KHDRBS3: variants seen among roughly 807,000 people sequenced by gnomAD.
KHDRBS3 encodes KH RNA binding domain containing, signal transduction associated 3.
A neutral mutation model predicts 45.6 loss-of-function variants in KHDRBS3; 23 were observed. The observed-to-expected ratio is 0.50, with a 90% confidence interval of 0.36 to 0.72. The LOEUF (loss-of-function observed/expected upper bound fraction) is 0.72. KHDRBS3 is among the 30% of genes least tolerant of loss of function. The pLI is 0.00. For synonymous variants in KHDRBS3, 162 were observed against 156.5 expected (o/e 1.04, Z -0.26); for missense variants, 352 against 424.8 (o/e 0.83, Z 1.51).
intron 1 of KHDRBS3, among the ~76,000 whole-genome samples, chr8:135,470,575 C>CTTT (rs397962210): frequency 1.6e-4 from 23 of 141,896 alleles, no homozygotes; most frequent in Non-Finnish European, 2.2e-4. Flanking sequence ...GGTTTTGCTG[C>CTTT]TTTTTTTTTT....
At position 135,457,900 on chromosome 8, in the gene KHDRBS3, GAGA is replaced by G; in HGVS notation, c.37_39del (p.Lys13del). ...GAAGTACCTGCCCGAGCTGATGGCG[GAGA>G]AGGACTCCCTGGACCCCTCCTTCAC... On this transcript the variant is annotated inframe_deletion, in exon 1 of 9. Transcript: ENST00000355849. This position sits in a 1 kb window ranked among gnomAD's most constrained non-coding sequence, Gnocchi z 4.4. The G allele has an allele frequency of 6.2e-7, 1 of 1,601,394 alleles. No individual in the cohort carries two copies. Among genetic ancestry groups the G allele is most frequent in the Non-Finnish European group, 8.5e-7 (1 of 1,174,862 alleles).
chr8:135,640,080 A>G (rs1563825996), intron 7 of KHDRBS3, among the ~76,000 whole-genome samples: 3 of 152,144 alleles, frequency 2.0e-5, no homozygotes, highest in Admixed American at 6.5e-5. Context: ...GAGACTATAT[A>G]AGGGATTTTT....
intron 5 of KHDRBS3, among the ~76,000 whole-genome samples, chr8:135,572,453 C>A (rs1827747923): frequency 1.3e-5 from 2 of 152,066 alleles, no homozygotes; most frequent in Non-Finnish European, 2.9e-5. Flanking sequence ...GATAAGGAAG[C>A]AGTTGCTCAA....
intron 1 of KHDRBS3, among the ~76,000 whole-genome samples, chr8:135,517,689 A>T (rs1467110683): frequency 1.3e-5 from 2 of 152,218 alleles, no homozygotes; most frequent in East Asian, 3.8e-4. Flanking sequence ...AGAAAAGTAC[A>T]GCATTCATGA....
intron 5 of KHDRBS3, among the ~76,000 whole-genome samples, chr8:135,574,940 A>G (rs925510865): frequency 6.6e-6 from 1 of 152,128 alleles, no homozygotes; most frequent in Non-Finnish European, 1.5e-5. Context: ...GCCTCATTTC[A>G]TAGTTGAGGA....
chr8:135,544,245 C>G (rs1826181652), intron 3 of KHDRBS3, among the ~76,000 whole-genome samples: 1 of 152,110 alleles, frequency 6.6e-6, no homozygotes, highest in Non-Finnish European at 1.5e-5. Flanking sequence ...TTGGTCAGAA[C>G]CACTGCTTGG....
intron 2 of KHDRBS3, among the ~76,000 whole-genome samples, chr8:135,536,234 G>GTTTTTTTTTTTTTT (rs374782370): frequency 5.8e-5 from 5 of 86,408 alleles, no homozygotes; most frequent in East Asian, 5.0e-4. Context: ...TTTCTGTCCA[G>GTTTTTTTTTTTTTT]TTTTTTTTTT....
chr8:135,533,697 T>G (rs1825593303), intron 2 of KHDRBS3, among the ~76,000 whole-genome samples: 1 of 152,188 alleles, frequency 6.6e-6, no homozygotes. Flanking sequence ...TTAAACTGAT[T>G]TGAGATATAT....
At chr8:135,569,433 T>C (rs553896851) in intron 5 of KHDRBS3, among the ~76,000 whole-genome samples, 8 of 152,196 alleles carry the variant, frequency 5.3e-5, no homozygotes, top group Non-Finnish European at 1.0e-4. Context: ...GCAAAAACTT[T>C]AGGTAACGAC....
intron 7 of KHDRBS3, among the ~76,000 whole-genome samples, chr8:135,635,253 T>C (rs1419382953): frequency 2.6e-5 from 4 of 152,384 alleles, no homozygotes; most frequent in Admixed American, 1.3e-4. Flanking sequence ...TGATGTGATA[T>C]GTTGTTTTGA....
At chr8:135,537,048 A>G (rs1825815466) in intron 2 of KHDRBS3, among the ~76,000 whole-genome samples, 1 of 150,912 alleles carries the variant, frequency 6.6e-6, no homozygotes, top group Non-Finnish European at 1.5e-5. Flanking sequence ...TAGATCATTA[A>G]CATGTATTAA....
At chr8:135,575,368 CCACTTAAAA>C (rs1332853391) in intron 5 of KHDRBS3, among the ~76,000 whole-genome samples, 1 of 152,132 alleles carries the variant, frequency 6.6e-6, no homozygotes, top group Non-Finnish European at 1.5e-5. Flanking sequence ...CTGTGGCTCC[CCACTTAAAA>C]CCTGCACAGC....
At chr8:135,565,567 G>A (rs1363778568) in intron 5 of KHDRBS3, among the ~76,000 whole-genome samples, 2 of 152,148 alleles carry the variant, frequency 1.3e-5, no homozygotes, top group African/African-American at 4.8e-5. Context: ...TCTCAGATGA[G>A]CTTCTTCATC....
At chr8:135,644,943 GAAT>G in intron 7 of KHDRBS3, 113 bp from the exon 8 acceptor site, 1 of 1,076,608 alleles carries the variant, frequency 9.3e-7, no homozygotes, top group Non-Finnish European at 1.3e-6. Flanking sequence ...GAATTTCTTT[GAAT>G]TTTCAGTCTT....
At chr8:135,472,658 A>T (rs1434203140) in intron 1 of KHDRBS3, among the ~76,000 whole-genome samples, 1 of 152,226 alleles carries the variant, frequency 6.6e-6, no homozygotes, top group Admixed American at 6.5e-5. Context: ...AAGGTTCTGG[A>T]TCACAGCTGA....
chr8:135,534,555 A>G (rs1439140583), intron 2 of KHDRBS3, among the ~76,000 whole-genome samples: 1 of 152,196 alleles, frequency 6.6e-6, no homozygotes, highest in Non-Finnish European at 1.5e-5. Context: ...TAGGAAAAAG[A>G]AGGCGACAGG....
chr8:135,633,471 A>G (rs1214031452), intron 7 of KHDRBS3, among the ~76,000 whole-genome samples: 1 of 152,234 alleles, frequency 6.6e-6, no homozygotes, highest in African/African-American at 2.4e-5. Context: ...AAGACTTAAT[A>G]AATCAGGTGA....
At chr8:135,580,603 CTCT>C (rs1250420917) in intron 5 of KHDRBS3, among the ~76,000 whole-genome samples, 1 of 105,456 alleles carries the variant, frequency 9.5e-6, no homozygotes, top group African/African-American at 3.6e-5. Flanking sequence ...CTCTCTCTCT[CTCT>C]TTTTTTTTTT....
chr8:135,558,472 A>G (rs1308342336), intron 5 of KHDRBS3, among the ~76,000 whole-genome samples: 2 of 152,182 alleles, frequency 1.3e-5, no homozygotes, highest in Non-Finnish European at 2.9e-5. Flanking sequence ...GTATATCTCT[A>G]AGTTTATTTG....
Sources: allele counts gnomAD v4.1 joint callset (sites outside exome capture counted in the v4.1 genomes callset), GRCh38; gene constraint gnomAD v4.1.1; non-coding constraint Gnocchi (gnomAD v3.1); transcripts MANE v1.5; gene names NCBI Gene and HGNC (gene_info 2026-07-23, HGNC 2026-07-21).